Variants in NDC1 observed in about 807,000 individuals in gnomAD.
The protein encoded by NDC1 is nucleoporin NDC1.
NDC1 carries 24 observed loss-of-function variants against 89.8 expected under a neutral mutation model. The observed-to-expected ratio is 0.27, with a 90% CI of 0.19 to 0.38. The LOEUF (loss-of-function observed/expected upper bound fraction) is 0.38, where lower values mean the gene tolerates loss of function less well. Ranked by LOEUF, NDC1 falls within the 10% of genes least tolerant of loss-of-function variation. The probability of loss-of-function intolerance (pLI) is 1.00; values close to 1 mark genes in which losing one functional copy is unlikely to be tolerated. For missense variants in NDC1, 728 were observed against 797.6 expected (o/e 0.91, Z 1.05); for synonymous variants, 296 against 284.8 (o/e 1.04, Z -0.39).
intron 11 of NDC1, 30 bp downstream of exon 11, chr1:53,800,663 T>C (rs1335387707): frequency 6.2e-7 from 1 of 1,609,610 alleles, no homozygotes; most frequent in South Asian, 1.1e-5. Context: ...AATGTAAATG[T>C]TTTCCCCTCT....
chr1:53,800,975 C>G, intron 10 of NDC1, 127 bp from the exon 11 acceptor site: 1 of 771,664 alleles, frequency 1.3e-6, no homozygotes. Context: ...CTTAGTGAAG[C>G]TACTATTTAT....
chr1:53,816,825 TAAAAG>T lies in NDC1; in HGVS notation c.703+2141_703+2145del, dbSNP rs1333188662. ...GCTAAGGACATGAATAGACAATTCT[TAAAAG>T]AAGATATACAAATAGTCAATGACAT... On this transcript the variant is annotated intron_variant, in intron 6 of 17. Transcript: ENST00000371429. Among the ~76,000 whole-genome samples the T allele has an allele frequency of 2.6e-5, 4 of 152,060 alleles. No homozygotes were observed. The East Asian group carries it at 5.8e-4, about 22-fold the overall frequency.
chr1:53,780,130 C>T (rs1017544950), intron 16 of NDC1, among the ~76,000 whole-genome samples: 1 of 151,770 alleles, frequency 6.6e-6, no homozygotes, highest in East Asian at 1.9e-4. Flanking sequence ...GGCACAATCA[C>T]GGCACAATCG....
intron 14 of NDC1, among the ~76,000 whole-genome samples, chr1:53,790,816 G>A (rs1179687922): frequency 6.6e-6 from 1 of 152,084 alleles, no homozygotes; most frequent in Admixed American, 6.6e-5. Flanking sequence ...TAACCTTCAC[G>A]TAAAAAATGT....
At chr1:53,837,964 G>A (rs936986799) in intron 1 of NDC1, among the ~76,000 whole-genome samples, 2 of 152,120 alleles carry the variant, frequency 1.3e-5, no homozygotes, top group Admixed American at 1.3e-4. Flanking sequence ...TTTCCATTCA[G>A]TCCATCCGTC....
At chr1:53,820,265 CAAAA>C (rs1648620900) in intron 5 of NDC1, among the ~76,000 whole-genome samples, 1 of 148,872 alleles carries the variant, frequency 6.7e-6, no homozygotes, top group African/African-American at 2.5e-5. Flanking sequence ...AAAAAAAAAA[CAAAA>C]AGAAAGAAAA....
At chr1:53,814,373 TAAATAAAA>T (rs1376551381) in intron 6 of NDC1, among the ~76,000 whole-genome samples, 2 of 151,734 alleles carry the variant, frequency 1.3e-5, no homozygotes, top group Non-Finnish European at 2.9e-5. Flanking sequence ...AATAAATAAA[TAAATAAAA>T]AATAATTTTT....
At chr1:53,819,679 G>A (rs911981800) in intron 5 of NDC1, among the ~76,000 whole-genome samples, 3 of 152,218 alleles carry the variant, frequency 2.0e-5, no homozygotes, top group African/African-American at 2.4e-5. Context: ...AAAAAAATGG[G>A]AGGCAGTGAA....
chr1:53,787,142 C>A lies in NDC1; in HGVS notation c.1800+16G>T, dbSNP rs749549884. ...GAAGATGACCTCTACCCCCTCCCAACCCACAGATTTCTTACCTCTTGCAGT... is the reference window on the plus strand; with the variant it reads ...GAAGATGACCTCTACCCCCTCCCAAACCACAGATTTCTTACCTCTTGCAGT... On this transcript the variant is annotated intron_variant, in intron 16 of 17. Coordinates refer to ENST00000371429, the MANE Select transcript of NDC1 (RefSeq NM_018087.5). The A allele has an allele frequency of 1.3e-6, 2 of 1,491,906 alleles. No homozygotes were observed. Among genetic ancestry groups the A allele is most frequent in the East Asian group, 4.6e-5 (2 of 43,818 alleles). 92.4% of individuals were successfully genotyped at this position (1,491,906 alleles called of 1,614,324 possible).
rs201336207 is a variant in NDC1, at chr1:53,835,483, A to T, written c.178+17T>A. Reference sequence around the variant, plus strand: ...AGTAGGTCCTATAACTTTCTCCCCAAGTTGAGTATCACCTACCAGACAGCC... The same window carrying T: ...AGTAGGTCCTATAACTTTCTCCCCATGTTGAGTATCACCTACCAGACAGCC... On this transcript the variant is annotated intron_variant, in intron 2 of 17. Transcript: ENST00000371429. 6.3e-7 allele frequency: 1 copy of T among 1,591,204 alleles called. No individual in the cohort carries two copies. Among genetic ancestry groups the T allele is most frequent in the East Asian group, 2.2e-5 (1 of 44,584 alleles).
chr1:53,814,802 T>C (rs1648424021), intron 6 of NDC1, among the ~76,000 whole-genome samples: 1 of 152,112 alleles, frequency 6.6e-6, no homozygotes, highest in East Asian at 1.9e-4. Context: ...ATATGAAAGA[T>C]TGTTCACAAC....
chr1:53,772,452 C>G lies in NDC1; in HGVS notation c.1838G>C (p.Ser613Thr). The G allele has an allele frequency of 6.2e-7, 1 of 1,613,328 alleles. No homozygotes were observed. Among genetic ancestry groups the G allele is most frequent in the Non-Finnish European group, 8.5e-7 (1 of 1,179,512 alleles). Residue 613 changes from serine to threonine, a missense_variant, in exon 17 of 18, where the codon AGT becomes ACT. By Grantham distance (58) the Ser-to-Thr change is moderately conservative. Transcript: ENST00000371429. Reference sequence around the variant, plus strand: ...GCTTCCTGAAATCCGGGGTGGTTTACTGGAAGCATGAGGAAGCTTAAAGTA... The same window carrying G: ...GCTTCCTGAAATCCGGGGTGGTTTAGTGGAAGCATGAGGAAGCTTAAAGTA... ...DKYFKLPHASSKPPRISGSLV... is the reference protein window; with the variant it reads ...DKYFKLPHASTKPPRISGSLV...
intron 11 of NDC1, among the ~76,000 whole-genome samples, chr1:53,800,124 A>G (rs1647853974): frequency 6.6e-6 from 1 of 152,006 alleles, no homozygotes; most frequent in African/African-American, 2.4e-5. Flanking sequence ...CTACCACCAC[A>G]CTGAACTTAA....
intron 1 of NDC1, among the ~76,000 whole-genome samples, chr1:53,837,296 G>C (rs1018873369): frequency 5.3e-5 from 8 of 152,324 alleles, no homozygotes; most frequent in African/African-American, 1.9e-4. Flanking sequence ...TTAGAGGCCA[G>C]GCACGGTGGC....
At chr1:53,776,412 G>A (rs896333083) in intron 16 of NDC1, among the ~76,000 whole-genome samples, 5 of 152,042 alleles carry the variant, frequency 3.3e-5, no homozygotes, top group Admixed American at 2.0e-4. Context: ...ACAAACACCA[G>A]ATTTCTAAGA....
Position 53,791,973 on chromosome 1 carries a change from C to T in NDC1, c.1635+1256G>A, listed in dbSNP as rs577692825. On this transcript the variant is annotated intron_variant, in intron 14 of 17. Coordinates refer to ENST00000371429, the MANE Select transcript of NDC1 (RefSeq NM_018087.5). ...TTTTTTTTTTTTTGAGACGGCGTCT[C>T]GCTCTTTCACCCAGGCCGGACTCCA... is the stretch of plus-strand genomic sequence containing the variant. Among the ~76,000 whole-genome samples, 172 of 150,546 alleles carry T rather than the reference C, an allele frequency of 1.1e-3. 1 individual carries two copies. The highest frequency in any genetic ancestry group is 4.4e-3 in the South Asian group (21 of 4,756).
intron 16 of NDC1, 53 bp downstream of exon 16, chr1:53,787,105 T>C (rs929409673): frequency 3.5e-6 from 3 of 869,042 alleles, no homozygotes; most frequent in Non-Finnish European, 5.6e-6. Flanking sequence ...AACAAAGCAC[T>C]GGGTGGGAGG....
rs776974101 is a variant in NDC1 at position 53,797,174 on chromosome 1, G to C, written c.1223-30C>G. 9 of 1,606,980 alleles carry C rather than the reference G, an allele frequency of 5.6e-6. No individual in the cohort carries two copies. In the East Asian group the frequency reaches 8.9e-5, roughly 16 times the overall value. On this transcript the variant is annotated intron_variant, in intron 11 of 17. Coordinates refer to ENST00000371429, the MANE Select transcript of NDC1 (RefSeq NM_018087.5). Reference sequence around the variant, plus strand: ...AAAACAACAGATCCAGTGCTGAAGAGGCAACCTGATCCAAGCAGGCTAGCA... The same window carrying C: ...AAAACAACAGATCCAGTGCTGAAGACGCAACCTGATCCAAGCAGGCTAGCA...
At chr1:53,816,599 T>G (rs1220743788) in intron 6 of NDC1, among the ~76,000 whole-genome samples, 1 of 147,518 alleles carries the variant, frequency 6.8e-6, no homozygotes, top group Admixed American at 6.8e-5. Flanking sequence ...GATAAATAGC[T>G]GGGACCTAAT....
Sources: gnomAD v4.1 joint callset for allele counts (sites outside exome capture counted in the v4.1 genomes callset) on GRCh38, gnomAD v4.1.1 for gene constraint, MANE v1.5 for transcripts, NCBI Gene and HGNC (gene_info 2026-07-23, HGNC 2026-07-21) for gene names.